Variants in CALN1 observed in about 807,000 individuals in gnomAD.
The protein encoded by CALN1 is calneuron 1.
Under a neutral mutation model 30.6 loss-of-function variants are expected in CALN1, and 17 were observed. The observed-to-expected ratio is 0.56, with a 90% CI of 0.38 to 0.83. CALN1 has a LOEUF of 0.83. Among genes scored for constraint, CALN1 ranks in the 40% least tolerant of loss-of-function variants. The pLI is 0.00. For missense variants in CALN1, 291 were observed against 354.9 expected (o/e 0.82, Z 1.45); for synonymous variants, 156 against 131.4 (o/e 1.19, Z -1.28).
intron 3 of CALN1, among the ~76,000 whole-genome samples, chr7:72,217,632 G>C (rs1348226501): frequency 6.6e-6 from 1 of 151,774 alleles, no homozygotes. Flanking sequence ...GATTTCACAG[G>C]CATCTCTAGG....
chr7:72,342,340 G>A (rs935523289), intron 2 of CALN1, among the ~76,000 whole-genome samples: 1 of 151,754 alleles, frequency 6.6e-6, no homozygotes, highest in African/African-American at 2.4e-5. Flanking sequence ...GTCTTCCCCA[G>A]CTATGACCAT....
At chr7:72,200,003 C>T (rs747333498) in intron 3 of CALN1, among the ~76,000 whole-genome samples, 59 of 152,220 alleles carry the variant, frequency 3.9e-4, no homozygotes, top group Non-Finnish European at 6.0e-4. Flanking sequence ...GCGACCTCTA[C>T]TATGCCCCCT....
chr7:72,225,693 T>C (rs190473359), intron 3 of CALN1, among the ~76,000 whole-genome samples: 1 of 152,280 alleles, frequency 6.6e-6, no homozygotes, highest in East Asian at 1.9e-4. Flanking sequence ...GTTCCTCACT[T>C]CCATGTGCTC....
chr7:71,998,322 G>C (rs1799353244), intron 5 of CALN1, among the ~76,000 whole-genome samples: 1 of 152,064 alleles, frequency 6.6e-6, no homozygotes, highest in Non-Finnish European at 1.5e-5. Flanking sequence ...AGAAATAAGA[G>C]GAACAGTAGC....
At chr7:72,225,259 G>A (rs1793589763) in intron 3 of CALN1, among the ~76,000 whole-genome samples, 1 of 152,066 alleles carries the variant, frequency 6.6e-6, no homozygotes. Context: ...CCTTCACTGA[G>A]CACCAGGTTC....
intron 4 of CALN1, among the ~76,000 whole-genome samples, chr7:72,100,472 G>A (rs148194850): frequency 2.0e-5 from 3 of 152,030 alleles, no homozygotes; most frequent in East Asian, 1.9e-4. Context: ...TGTGGGCCAC[G>A]GTACCCAGCA....
At chr7:71,841,086 G>C (rs932824088) in intron 5 of CALN1, among the ~76,000 whole-genome samples, 10 of 152,186 alleles carry the variant, frequency 6.6e-5, no homozygotes, top group African/African-American at 2.4e-4. Context: ...AACTGAGTTA[G>C]GTAACAAACA....
At chr7:72,293,075 T>C (rs1027897410) in intron 2 of CALN1, among the ~76,000 whole-genome samples, 3 of 147,122 alleles carry the variant, frequency 2.0e-5, no homozygotes, top group East Asian at 3.9e-4. Flanking sequence ...TTCCTTCCTT[T>C]CTTTCTAACT....
intron 1 of CALN1, among the ~76,000 whole-genome samples, chr7:72,404,729 A>G (rs1038091734): frequency 6.6e-6 from 1 of 152,210 alleles, no homozygotes; most frequent in Non-Finnish European, 1.5e-5. Context: ...CTCCTATCAA[A>G]GTCAGCTCTT....
chr7:72,231,476 T>C (rs1271121376), intron 3 of CALN1, among the ~76,000 whole-genome samples: 1 of 152,244 alleles, frequency 6.6e-6, no homozygotes, highest in Non-Finnish European at 1.5e-5. Context: ...TTCTTTTTTA[T>C]GGCTTCATAG....
chr7:72,337,702 C>T (rs35414455), intron 2 of CALN1: 57,175 of 152,326 alleles, frequency 0.38, 11,601 homozygotes, highest in Admixed American at 0.45. Flanking sequence ...GCCGAAACTG[C>T]GGGGACCAGC....
At chr7:71,828,712 A>G (rs992807732) in intron 5 of CALN1, among the ~76,000 whole-genome samples, 2 of 135,612 alleles carry the variant, frequency 1.5e-5, no homozygotes, top group Admixed American at 7.0e-5. Flanking sequence ...ACATATATAT[A>G]TGTATATGTG....
At chr7:71,813,076 G>A (rs1788058513) in intron 5 of CALN1, among the ~76,000 whole-genome samples, 1 of 151,850 alleles carries the variant, frequency 6.6e-6, no homozygotes, top group Non-Finnish European at 1.5e-5. Context: ...ACCCTCCCAA[G>A]AAGCTGGGAT....
rs112576017 is a variant in CALN1 at position 71,860,194 on chromosome 7, A to AT, written c.502-49703dup. On this transcript the variant is annotated intron_variant, in intron 5 of 6. Transcript: ENST00000395275. ...CCTTTATTGAGCATTCTTTATTTTCATTTTTTTTTTTTTTTTGAGAAGCAG... is the reference window on the plus strand; with the variant it reads ...CCTTTATTGAGCATTCTTTATTTTCATTTTTTTTTTTTTTTTTGAGAAGCAG... Among the ~76,000 whole-genome samples the AT allele has an allele frequency of 3.9e-3, 539 of 137,290 alleles. 1 individual carries two copies. The highest frequency in any genetic ancestry group is 0.015 in the Middle Eastern group (4 of 270). The allele number at this position is 137,290 out of a possible 152,430, so 90.1% of individuals were successfully genotyped here.
intron 2 of CALN1, among the ~76,000 whole-genome samples, chr7:72,394,435 A>G (rs1346347533): frequency 6.6e-6 from 1 of 152,248 alleles, no homozygotes; most frequent in Non-Finnish European, 1.5e-5. Context: ...GATGCTCTCC[A>G]AAGCATTGCC....
chr7:72,350,500 G>A (rs942702441), intron 2 of CALN1, among the ~76,000 whole-genome samples: 1 of 152,160 alleles, frequency 6.6e-6, no homozygotes, highest in East Asian at 1.9e-4. Flanking sequence ...AGAGCTGGAG[G>A]CCATTATCCT....
At chr7:72,322,224 G>T in intron 2 of CALN1, among the ~76,000 whole-genome samples, 1 of 152,258 alleles carries the variant, frequency 6.6e-6, no homozygotes, top group South Asian at 2.1e-4. Context: ...TCATAAGGAG[G>T]TTGCAACCTA....
chr7:71,924,425 A>G (rs1438417466), intron 5 of CALN1, among the ~76,000 whole-genome samples: 2 of 145,538 alleles, frequency 1.4e-5, no homozygotes, highest in African/African-American at 2.5e-5. Context: ...TATACAAAAG[A>G]ATGTTTATAT....
chr7:71,822,760 C>A lies in CALN1; in HGVS notation c.502-12268G>T, dbSNP rs567291534. Among the ~76,000 whole-genome samples the A allele has an allele frequency of 3.9e-5, 6 of 152,208 alleles. No individual in the cohort carries two copies. The East Asian group carries it at 7.7e-4, about 20-fold the overall frequency. ...AGACCTTTTATTTTCCTACCTTTTG[C>A]CTCATGCTTTTCAGTCTTTGTAAGT... On this transcript the variant is annotated intron_variant, in intron 5 of 6. Coordinates refer to ENST00000395275, the MANE Select transcript of CALN1 (RefSeq NM_031468.4).
Sources: gnomAD v4.1 joint callset for allele counts (sites outside exome capture counted in the v4.1 genomes callset) on GRCh38, gnomAD v4.1.1 for gene constraint, MANE v1.5 for transcripts, NCBI Gene and HGNC (gene_info 2026-07-23, HGNC 2026-07-21) for gene names.